The following MNDA variants were observed in gnomAD, a reference collection of about 807,000 sequenced individuals.
MNDA encodes epididymis secretory sperm binding protein.
MNDA carries 43 observed loss-of-function variants against 37.8 expected under a neutral mutation model. The observed-to-expected ratio is 1.14, with a 90% CI of 0.89 to 1.47. MNDA has a LOEUF of 1.47. Ranked by LOEUF, MNDA falls within the 40% of genes most tolerant of loss-of-function variation. The pLI, the probability that MNDA is intolerant of heterozygous loss-of-function variation, is 0.00. For missense variants in MNDA, 536 were observed against 476.0 expected (o/e 1.13, Z -1.17); for synonymous variants, 181 against 169.0 (o/e 1.07, Z -0.55).
At chr1:158,839,411 C>T (rs961624239) in intron 1 of MNDA, among the ~76,000 whole-genome samples, 6 of 152,120 alleles carry the variant, frequency 3.9e-5, no homozygotes, top group Admixed American at 1.3e-4. Flanking sequence ...TACTGTATTC[C>T]TCTATCCATA....
Position 158,844,076 on chromosome 1 carries a change from T to C in MNDA, c.524T>C (p.Leu175Pro), listed in dbSNP as rs146513719. 1 of 1,612,764 alleles carries C rather than the reference T, an allele frequency of 6.2e-7. No homozygotes were observed. The highest frequency in any genetic ancestry group is 1.1e-5 in the South Asian group (1 of 90,938). The change falls in exon 4 of 7, where the codon CTA (leucine) becomes CCA (proline). Residue 175 changes from leucine to proline, a missense_variant. By Grantham distance (98) the Leu-to-Pro change is moderately conservative. Coordinates refer to ENST00000368141, the MANE Select transcript of MNDA (RefSeq NM_002432.3). ...TCTGCAGCTGTGGATCATCCCCCAC[T>C]ACCCCAGACCTCATCATCAACTCCA... ...STSAAVDHPP[L>P]PQTSSSTPSN...
In MNDA at chr1:158,842,425, G is replaced by A. The variant is rs1056703550; in HGVS notation, c.265+7G>A. Reference sequence around the variant, plus strand: ...CGAAAAGAGAAGTCAAAAGGTAATAGAGAAAACCTTGCACATAGCTACTCT... The same window carrying A: ...CGAAAAGAGAAGTCAAAAGGTAATAAAGAAAACCTTGCACATAGCTACTCT... On this transcript the variant is annotated splice_region_variant and intron_variant, in intron 2 of 6. Transcript: ENST00000368141. 6.8e-6 allele frequency: 11 copies of A among 1,606,072 alleles called. No individual in the cohort carries two copies. The Admixed American group carries it at 1.2e-4, about 17-fold the overall frequency.
rs1659085621 is a variant in MNDA at position 158,844,057 on chromosome 1, G to A, written c.505G>A (p.Ala169Thr). 6.2e-7 allele frequency: 1 copy of A among 1,613,694 alleles called. No homozygotes were observed. The highest frequency in any genetic ancestry group is 1.7e-5 in the Admixed American group (1 of 59,910). Residue 169 changes from alanine to threonine, a missense_variant, in exon 4 of 7, where the codon GCT becomes ACT. By Grantham distance (58) the Ala-to-Thr change is moderately conservative. Coordinates refer to ENST00000368141, the MANE Select transcript of MNDA (RefSeq NM_002432.3). ...PGPSGASTSAAVDHPPLPQTS... is the reference protein window; with the variant it reads ...PGPSGASTSATVDHPPLPQTS... ...TCCCTCAGGAGCCAGCACATCTGCA[G>A]CTGTGGATCATCCCCCACTACCCCA...
At chr1:158,840,821 T>A (rs1027119917) in intron 1 of MNDA, among the ~76,000 whole-genome samples, 24 of 152,188 alleles carry the variant, frequency 1.6e-4, no homozygotes, top group African/African-American at 5.8e-4. Context: ...TATGTGCCCA[T>A]GTGTGAAATT....
intron 1 of MNDA, among the ~76,000 whole-genome samples, chr1:158,835,054 C>A (rs1460521164): frequency 6.6e-6 from 1 of 152,102 alleles, no homozygotes; most frequent in Non-Finnish European, 1.5e-5. Flanking sequence ...AAGTCTGAAA[C>A]CTCCATGTTC....
chr1:158,846,955 T>C (rs936669979), intron 5 of MNDA, among the ~76,000 whole-genome samples: 1 of 152,168 alleles, frequency 6.6e-6, no homozygotes, highest in Non-Finnish European at 1.5e-5. Context: ...GGACAAGATA[T>C]TGGAAAAGAA....
In MNDA at chr1:158,849,470, G is replaced by A. The variant is rs1158429554; in HGVS notation, c.*233G>A. 5.6e-5 allele frequency: 25 copies of A among 443,158 alleles called. No individual in the cohort carries two copies. In the Middle Eastern group the frequency reaches 1.9e-3, roughly 34 times the overall value. 27.5% of individuals were successfully genotyped at this position (443,158 alleles called of 1,614,324 possible). On this transcript the variant is annotated 3_prime_UTR_variant, in exon 7 of 7. Transcript: ENST00000368141. Reference sequence around the variant, plus strand: ...TACATTTTGCTTTTATGACATTCACGAGGCAAAAAATAAAATATCTTTTTT... The same window carrying A: ...TACATTTTGCTTTTATGACATTCACAAGGCAAAAAATAAAATATCTTTTTT...
chr1:158,838,718 A>G (rs73015597), intron 1 of MNDA, among the ~76,000 whole-genome samples: 8 of 152,034 alleles, frequency 5.3e-5, no homozygotes. Context: ...TACATAATGC[A>G]TATATTGTCC....
Position 158,849,269 on chromosome 1 carries a change from C to A in MNDA, c.*32C>A. On this transcript the variant is annotated 3_prime_UTR_variant, in exon 7 of 7. Transcript: ENST00000368141. Reference sequence around the variant, plus strand: ...AAAGCTGAAATGCAACAAACAACTTCCGCTTAAAACAATTAAGTTGTTAAT... The same window carrying A: ...AAAGCTGAAATGCAACAAACAACTTACGCTTAAAACAATTAAGTTGTTAAT... 5 of 1,582,322 alleles carry A rather than the reference C, an allele frequency of 3.2e-6. No individual in the cohort carries two copies. Among genetic ancestry groups the A allele is most frequent in the Non-Finnish European group, 4.3e-6 (5 of 1,156,458 alleles).
At chr1:158,836,165 A>G (rs1180139487) in intron 1 of MNDA, among the ~76,000 whole-genome samples, 2 of 151,978 alleles carry the variant, frequency 1.3e-5, no homozygotes, top group African/African-American at 4.8e-5. Context: ...ATCGACATGC[A>G]TAAGGGATAT....
At chr1:158,839,703 T>C (rs1024562879) in intron 1 of MNDA, among the ~76,000 whole-genome samples, 1 of 152,168 alleles carries the variant, frequency 6.6e-6, no homozygotes, top group Non-Finnish European at 1.5e-5. Flanking sequence ...AGGGAGAAAG[T>C]TAAACAGGGA....
Position 158,845,972 on chromosome 1 carries a change from C to T in MNDA, c.956C>T (p.Thr319Ile). Residue 319 changes from threonine to isoleucine, a missense_variant, in exon 5 of 7, where the codon ACA (threonine) becomes ATA (isoleucine). Transcript: ENST00000368141. ...ISQLYKQASG[T>I]MVYGLFMLQK... ...CAACTTTACAAGCAAGCATCTGGAA[C>T]AATGGTGTATGGGTTGTTTATGTTA... 6.2e-7 allele frequency: 1 copy of T among 1,613,858 alleles called. No individual in the cohort carries two copies. Among genetic ancestry groups the T allele is most frequent in the Non-Finnish European group, 8.5e-7 (1 of 1,179,866 alleles).
chr1:158,844,133 C>T lies in MNDA; in HGVS notation c.570+11C>T. 1 of 1,539,660 alleles carries T rather than the reference C, an allele frequency of 6.5e-7. No homozygotes were observed. Among genetic ancestry groups the T allele is most frequent in the African/African-American group, 1.4e-5 (1 of 72,092 alleles). On this transcript the variant is annotated intron_variant, in intron 4 of 6. Coordinates refer to ENST00000368141, the MANE Select transcript of MNDA (RefSeq NM_002432.3). Reference sequence around the variant, plus strand: ...ACTTCGTTTACTCCGGTACACTCTTCCTGGTCCTCTTCTCCATTTTTTTTT... The same window carrying T: ...ACTTCGTTTACTCCGGTACACTCTTTCTGGTCCTCTTCTCCATTTTTTTTT...
In MNDA at chr1:158,842,382, A is replaced by G; in HGVS notation, c.229A>G (p.Asn77Asp). 6.2e-7 allele frequency: 1 copy of G among 1,612,350 alleles called. No individual in the cohort carries two copies. Among genetic ancestry groups the G allele is most frequent in the Non-Finnish European group, 8.5e-7 (1 of 1,179,510 alleles). ...TGCCAAAGATATGCCATCACTTAAA[A>G]ACCTTGTTAACAATCTTCGAAAAGA... is the stretch of plus-strand genomic sequence containing the variant. ...ELAKDMPSLK[N>D]LVNNLRKEKS... Residue 77 changes from asparagine to aspartate, a missense_variant, in exon 2 of 7, where the codon AAC becomes GAC. By Grantham distance (23) the Asn-to-Asp change is conservative. Coordinates refer to ENST00000368141, the MANE Select transcript of MNDA (RefSeq NM_002432.3).
intron 4 of MNDA, among the ~76,000 whole-genome samples, chr1:158,845,350 G>T (rs554808528): frequency 6.6e-6 from 1 of 152,252 alleles, no homozygotes; most frequent in Non-Finnish European, 1.5e-5. Context: ...CCATTCTGCT[G>T]CCTCAGCCTC....
At chr1:158,838,854 G>A (rs761464201) in intron 1 of MNDA, among the ~76,000 whole-genome samples, 9 of 151,992 alleles carry the variant, frequency 5.9e-5, no homozygotes, top group Non-Finnish European at 1.2e-4. Flanking sequence ...TATTGGTGTG[G>A]GCTGAGGAAC....
At chr1:158,848,123 C>G (rs1659177450) in intron 6 of MNDA, among the ~76,000 whole-genome samples, 2 of 152,136 alleles carry the variant, frequency 1.3e-5, no homozygotes, top group African/African-American at 4.8e-5. Context: ...GGATACAATA[C>G]TAGTGTTAAT....
At chr1:158,844,271 T>C in intron 4 of MNDA, 149 bp downstream of exon 4, 1 of 862,032 alleles carries the variant, frequency 1.2e-6, no homozygotes, top group Non-Finnish European at 1.7e-6. Flanking sequence ...CTTGTTTACA[T>C]TGGTGAGAAG....
chr1:158,843,909 C>T, intron 3 of MNDA, 46 bp from the exon 4 acceptor site: 1 of 1,501,604 alleles, frequency 6.7e-7, no homozygotes, highest in Middle Eastern at 1.8e-4. Context: ...TGCTCTGCTT[C>T]TTTTGATACT....
Sources: allele counts gnomAD v4.1 joint callset (sites outside exome capture counted in the v4.1 genomes callset), GRCh38; gene constraint gnomAD v4.1.1; transcripts MANE v1.5; gene names NCBI Gene and HGNC (gene_info 2026-07-23, HGNC 2026-07-21).